Variants in SREBF1 observed in about 807,000 individuals in gnomAD.
SREBF1 encodes sterol regulatory element-binding protein 1.
SREBF1 carries 45 observed loss-of-function variants against 100.1 expected under a neutral mutation model. The ratio of observed to expected loss-of-function variants is 0.45; its 90% CI spans 0.35 to 0.58. SREBF1 has a LOEUF of 0.58. Ranked by LOEUF, SREBF1 falls within the 20% of genes least tolerant of loss-of-function variation. SREBF1 has a pLI of 0.00. For synonymous variants in SREBF1, 657 were observed against 681.8 expected, an observed-to-expected ratio of 0.96 and a Z score of 0.57; for missense variants, 1,324 against 1,539.4, an observed-to-expected ratio of 0.86 and a Z score of 2.34.
chr17:17,818,774 C>CA, intron 5 of SREBF1: 1 of 603,904 alleles, frequency 1.7e-6, no homozygotes, highest in Non-Finnish European at 2.9e-6. Context: ...CTTTGAGGGA[C>CA]AATTTTTGTC....
Position 17,822,816 on chromosome 17 carries a change from G to A in SREBF1, c.92-2295C>T, listed in dbSNP as rs2034194784. Among the ~76,000 whole-genome samples, 3 of 152,326 alleles carry A rather than the reference G, an allele frequency of 2.0e-5. No individual in the cohort carries two copies. In the South Asian group the frequency reaches 6.2e-4, roughly 32 times the overall value. ...CTTGGCAGGCAGCTGGCACCGAGTG[G>A]AGACCCAACATTGCCTACTGACAGG... is the stretch of plus-strand genomic sequence containing the variant. On this transcript the variant is annotated intron_variant, in intron 1 of 18. Transcript: ENST00000261646.
intron 13 of SREBF1, 66 bp downstream of exon 13, chr17:17,815,155 G>A: frequency 5.4e-6 from 8 of 1,483,810 alleles, no homozygotes; most frequent in Non-Finnish European, 7.5e-6. Flanking sequence ...ACAGGGTTGA[G>A]GCCAGAGCTA....
intron 1 of SREBF1, among the ~76,000 whole-genome samples, chr17:17,823,042 T>A (rs952328530): frequency 2.0e-5 from 3 of 152,206 alleles, no homozygotes; most frequent in Non-Finnish European, 2.9e-5. Context: ...CGTGTGAGCC[T>A]CTTCGATAGA....
chr17:17,829,202 A>AT (rs2034681263), intron 1 of SREBF1, among the ~76,000 whole-genome samples: 3 of 36,462 alleles, frequency 8.2e-5, no homozygotes, highest in East Asian at 7.1e-4. Flanking sequence ...AAAAAAAAAA[A>AT]AAAATATATA....
At chr17:17,816,894 A>G in intron 9 of SREBF1, 64 bp downstream of exon 9, 1 of 1,606,288 alleles carries the variant, frequency 6.2e-7, no homozygotes, top group African/African-American at 1.3e-5. Flanking sequence ...ACAAGGGTTG[A>G]CACCCAGCAC....
At chr17:17,832,869 C>T (rs1367385634) in intron 1 of SREBF1, among the ~76,000 whole-genome samples, 8 of 151,382 alleles carry the variant, frequency 5.3e-5, no homozygotes, top group African/African-American at 1.9e-4. Flanking sequence ...TGCAGTGAGC[C>T]GAGATCGCGC....
At chr17:17,815,614 C>G in intron 12 of SREBF1, 1 of 600,852 alleles carries the variant, frequency 1.7e-6, no homozygotes, top group South Asian at 2.0e-5. Flanking sequence ...TACTCCACAG[C>G]GGCACTGCCT....
intron 1 of SREBF1, among the ~76,000 whole-genome samples, chr17:17,833,017 G>A (rs981550609): frequency 1.3e-5 from 2 of 151,932 alleles, no homozygotes; most frequent in Non-Finnish European, 2.9e-5. Context: ...GGTGTCCATC[G>A]ACAGGGAATC....
Position 17,812,622 on chromosome 17 carries a change from C to G in SREBF1, c.3444G>C (p.Ter1148TyrextTer12). The G allele has an allele frequency of 1.2e-6, 2 of 1,601,036 alleles. No homozygotes were observed. Among genetic ancestry groups the G allele is most frequent in the South Asian group, 1.1e-5 (1 of 89,124 alleles). ...LGGGTTVTSS[*>Y] ...GGTGCTGAGGCCGGGGACACGGGGTCTAGCTGGAAGTGACAGTGGTCCCAC... is the reference window on the plus strand; with the variant it reads ...GGTGCTGAGGCCGGGGACACGGGGTGTAGCTGGAAGTGACAGTGGTCCCAC... Residue 1148 changes from the stop codon to tyrosine, a stop_lost, in exon 19 of 19, where the codon TAG becomes TAC. Coordinates refer to ENST00000261646, the MANE Select transcript of SREBF1 (RefSeq NM_004176.5).
chr17:17,834,843 T>C (rs1284683305), intron 1 of SREBF1, among the ~76,000 whole-genome samples: 1 of 152,076 alleles, frequency 6.6e-6, no homozygotes, highest in African/African-American at 2.4e-5. Context: ...TGAAACCCCG[T>C]CTCTACTAAA....
intron 1 of SREBF1, among the ~76,000 whole-genome samples, chr17:17,823,287 C>A (rs1377459902): frequency 6.6e-6 from 1 of 152,192 alleles, no homozygotes; most frequent in African/African-American, 2.4e-5. Flanking sequence ...GGTCGGGATG[C>A]TGCTTTTGGG....
rs145824670 is a variant in SREBF1 at position 17,811,986 on chromosome 17, G to C, written c.*636C>G. On this transcript the variant is annotated 3_prime_UTR_variant, in exon 19 of 19. Coordinates refer to ENST00000261646, the MANE Select transcript of SREBF1 (RefSeq NM_004176.5). ...AAAGTTGTGTACCTTGTGGCCGGAG[G>C]GGGAGGGGAAGCCTTTCCCTAGGTG... 17 of 444,516 alleles carry C rather than the reference G, an allele frequency of 3.8e-5. No homozygotes were observed. The highest frequency in any genetic ancestry group is 1.8e-4 in the Admixed American group (7 of 39,046). The allele number at this position is 444,516 out of a possible 1,614,324, so 27.5% of individuals were successfully genotyped here.
Position 17,824,442 on chromosome 17 carries a change from A to AC in SREBF1, c.92-3922dup, listed in dbSNP as rs1264826896. ...CCCAGCAGTCACCAAGTGAGTCCCG[A>AC]CCCACTATTCATTGTAGGGCCCTGG... is the stretch of plus-strand genomic sequence containing the variant. On this transcript the variant is annotated intron_variant, in intron 1 of 18. Coordinates refer to ENST00000261646, the MANE Select transcript of SREBF1 (RefSeq NM_004176.5). The surrounding 1 kb of genome is among the most constrained non-coding windows in gnomAD (Gnocchi z 4.2). 2.0e-5 allele frequency among the ~76,000 whole-genome samples: 3 copies of AC among 152,116 alleles called. No homozygotes were observed. Among genetic ancestry groups the AC allele is most frequent in the South Asian group, 2.1e-4 (1 of 4,818 alleles).
chr17:17,811,502 C>G lies in SREBF1; in HGVS notation c.*1120G>C. On this transcript the variant is annotated 3_prime_UTR_variant, in exon 19 of 19. Transcript: ENST00000261646. ...AGATTCAGCTGGGAGCCGGGCCAGG[C>G]TTTAGGTTGGGGAATGGGAATGAAG... 2 of 229,402 alleles carry G rather than the reference C, an allele frequency of 8.7e-6. No individual in the cohort carries two copies. The highest frequency in any genetic ancestry group is 8.9e-5 in the Admixed American group (1 of 11,264). The allele number at this position is 229,402 out of a possible 1,614,324, so 14.2% of individuals were successfully genotyped here.
intron 6 of SREBF1, 109 bp downstream of exon 6, chr17:17,818,151 G>A: frequency 1.1e-6 from 1 of 938,672 alleles, no homozygotes; most frequent in Middle Eastern, 3.1e-4. Flanking sequence ...GCAGGGCAGA[G>A]GGTGGGCCAG....
intron 1 of SREBF1, among the ~76,000 whole-genome samples, chr17:17,832,876 G>A (rs868829171): frequency 1.3e-4 from 19 of 151,818 alleles, no homozygotes; most frequent in African/African-American, 3.1e-4. Flanking sequence ...AGCCGAGATC[G>A]CGCCACTGCA....
Position 17,816,641 on chromosome 17 carries a change from C to T in SREBF1, c.1863G>A (p.Leu621=), listed in dbSNP as rs1429084692. The T allele has an allele frequency of 1.3e-6, 2 of 1,598,270 alleles. No individual in the cohort carries two copies. Among genetic ancestry groups the T allele is most frequent in the African/African-American group, 2.7e-5 (2 of 74,778 alleles). Reference sequence around the variant, plus strand: ...TCCAGAGGAGGCTACAAGCCAGGTCCAGGTGGGAGGTGGGCAGGGGCCGGC... The same window carrying T: ...TCCAGAGGAGGCTACAAGCCAGGTCTAGGTGGGAGGTGGGCAGGGGCCGGC... ...ALGRPLPTSH[L]DLACSLLWNL... The change falls in exon 10 of 19, where the codon CTG becomes CTA. Residue 621 remains leucine, a synonymous_variant. Coordinates refer to ENST00000261646, the MANE Select transcript of SREBF1 (RefSeq NM_004176.5).
At position 17,814,822 on chromosome 17, in the gene SREBF1, G is replaced by A. The variant is rs758106438; in HGVS notation, c.2602+13C>T. 25 of 1,602,190 alleles carry A rather than the reference G, an allele frequency of 1.6e-5. No homozygotes were observed. In the South Asian group the frequency reaches 2.7e-4, roughly 17 times the overall value. On this transcript the variant is annotated intron_variant, in intron 14 of 18. Coordinates refer to ENST00000261646, the MANE Select transcript of SREBF1 (RefSeq NM_004176.5). ...AGCTGAGAAGGGAGCCAGGACAGGG[G>A]CCGGGGACTCACCGGTGGTGGTGGC... is the stretch of plus-strand genomic sequence containing the variant.
In SREBF1 at chr17:17,812,608, C is replaced by T. The variant is rs749413444; in HGVS notation, c.*14G>A. On this transcript the variant is annotated 3_prime_UTR_variant, in exon 19 of 19. Coordinates refer to ENST00000261646, the MANE Select transcript of SREBF1 (RefSeq NM_004176.5). The stretch of plus-strand genomic sequence containing the variant: ...TGGCTAGAGACAGGGGTGCTGAGGC[C>T]GGGGACACGGGGTCTAGCTGGAAGT... 1.8e-5 allele frequency: 28 copies of T among 1,587,814 alleles called. No homozygotes were observed. The East Asian group carries it at 6.0e-4, about 34-fold the overall frequency.
Sources: allele counts gnomAD v4.1 joint callset (sites outside exome capture counted in the v4.1 genomes callset), GRCh38; gene constraint gnomAD v4.1.1; non-coding constraint Gnocchi (gnomAD v3.1); transcripts MANE v1.5; gene names NCBI Gene and HGNC (gene_info 2026-07-23, HGNC 2026-07-21).